The following NKAIN3 variants were observed in gnomAD, a reference collection of about 807,000 sequenced individuals.
The protein encoded by NKAIN3 is sodium/potassium-transporting ATPase subunit beta-1-interacting protein 3.
A neutral mutation model predicts 30.2 loss-of-function variants in NKAIN3; 25 were observed. The ratio of observed to expected loss-of-function variants is 0.83; its 90% confidence interval spans 0.60 to 1.16. NKAIN3 has a LOEUF of 1.16. Among genes scored for constraint, NKAIN3 ranks in the 50% most tolerant of loss-of-function variants. The probability of loss-of-function intolerance (pLI) is 0.00; values close to 1 mark genes in which losing one functional copy is unlikely to be tolerated. For synonymous variants in NKAIN3, 91 were observed against 89.6 expected (o/e 1.02, Z -0.09); for missense variants, 225 against 254.1 (o/e 0.89, Z 0.78).
chr8:62,867,182 G>A (rs563152234), intron 4 of NKAIN3, among the ~76,000 whole-genome samples: 5 of 150,790 alleles, frequency 3.3e-5, no homozygotes, highest in Non-Finnish European at 7.4e-5. Flanking sequence ...CAGAACACCC[G>A]AATGATTAAA....
At chr8:62,569,178 G>GA (rs1343545386) in intron 1 of NKAIN3, among the ~76,000 whole-genome samples, 10 of 152,180 alleles carry the variant, frequency 6.6e-5, no homozygotes, top group Non-Finnish European at 8.8e-5. Flanking sequence ...AACTTCTCCA[G>GA]AGTAGCTCTG....
At chr8:62,493,900 T>C (rs1035248469) in intron 1 of NKAIN3, among the ~76,000 whole-genome samples, 1 of 152,084 alleles carries the variant, frequency 6.6e-6, no homozygotes, top group African/African-American at 2.4e-5. Flanking sequence ...GCTGAAGTTG[T>C]TTTTTAGATG....
At chr8:62,987,795 G>A (rs547892991), downstream of NKAIN3, among the ~76,000 whole-genome samples, 1 of 152,020 alleles carries the variant, frequency 6.6e-6, no homozygotes, top group Non-Finnish European at 1.5e-5. Flanking sequence ...TCAAAACACA[G>A]TCATGCCTTC....
At chr8:62,405,363 A>C (rs1180535979) in intron 1 of NKAIN3, among the ~76,000 whole-genome samples, 1 of 152,150 alleles carries the variant, frequency 6.6e-6, no homozygotes, top group Non-Finnish European at 1.5e-5. Flanking sequence ...GGCTTAAGCC[A>C]CTTTTCAAAG....
chr8:62,472,290 A>T (rs909318228), intron 1 of NKAIN3, among the ~76,000 whole-genome samples: 1 of 152,138 alleles, frequency 6.6e-6, no homozygotes, highest in African/African-American at 2.4e-5. Flanking sequence ...AGAGCAGAAG[A>T]TCCTAGAAGC....
At chr8:62,770,411 TTC>T (rs1234751786) in intron 4 of NKAIN3, among the ~76,000 whole-genome samples, 2 of 152,168 alleles carry the variant, frequency 1.3e-5, no homozygotes, top group Non-Finnish European at 2.9e-5. Context: ...AAACCTGTGT[TTC>T]TCACAGTTCT....
chr8:62,417,057 A>T (rs1054618058), intron 1 of NKAIN3, among the ~76,000 whole-genome samples: 14 of 151,168 alleles, frequency 9.3e-5, no homozygotes, highest in African/African-American at 3.4e-4. Context: ...CAAATACTAG[A>T]TCTTATTCAT....
chr8:62,640,849 G>A (rs1338775232), intron 3 of NKAIN3, among the ~76,000 whole-genome samples: 1 of 151,994 alleles, frequency 6.6e-6, no homozygotes, highest in Non-Finnish European at 1.5e-5. Flanking sequence ...GGTGTGAGGT[G>A]GCTGTTTCTA....
At chr8:62,885,374 G>A (rs1821113269) in intron 4 of NKAIN3, among the ~76,000 whole-genome samples, 1 of 152,148 alleles carries the variant, frequency 6.6e-6, no homozygotes, top group African/African-American at 2.4e-5. Context: ...GCTTTAAATT[G>A]TGTTAAGTTG....
In NKAIN3 at chr8:62,601,019, G is replaced by T. The variant is rs576408945; in HGVS notation, c.273+11225G>T. On this transcript the variant is annotated intron_variant, in intron 3 of 6. Transcript: ENST00000623646. ...AGGCAATTTCCAGTAAAATATTTTA[G>T]ACCGTCAATTCAGAGTTCAGTACAT... 1.2e-4 allele frequency among the ~76,000 whole-genome samples: 18 copies of T among 152,088 alleles called. No individual in the cohort carries two copies. In the East Asian group the frequency reaches 3.5e-3, roughly 30 times the overall value.
At chr8:62,869,526 CA>C (rs1820527026) in intron 4 of NKAIN3, among the ~76,000 whole-genome samples, 1 of 152,152 alleles carries the variant, frequency 6.6e-6, no homozygotes, top group African/African-American at 2.4e-5. Context: ...CTCCAATAGG[CA>C]AATTAGGTTA....
rs192902641 is a variant in NKAIN3 at position 62,906,250 on chromosome 8, C to T, written c.472-12203C>T. 1.4e-3 allele frequency among the ~76,000 whole-genome samples: 217 copies of T among 152,300 alleles called. 2 individuals carry two copies. Among genetic ancestry groups the T allele is most frequent in the African/African-American group, 5.0e-3 (208 of 41,554 alleles). ...TGTTAATTTATAAGTAGGGTAAAATCCCTGCAAAGTTTCTGACATTAAGTA... is the reference window on the plus strand; with the variant it reads ...TGTTAATTTATAAGTAGGGTAAAATTCCTGCAAAGTTTCTGACATTAAGTA... On this transcript the variant is annotated intron_variant, in intron 4 of 6. Coordinates refer to ENST00000623646, the MANE Select transcript of NKAIN3 (RefSeq NM_001304533.3).
intron 4 of NKAIN3, among the ~76,000 whole-genome samples, chr8:62,822,267 G>A (rs1023048060): frequency 1.3e-5 from 2 of 152,156 alleles, no homozygotes; most frequent in African/African-American, 2.4e-5. Context: ...CTTTGAAGGA[G>A]TCTGAGTAAA....
chr8:62,561,861 A>G (rs184228456), intron 1 of NKAIN3, among the ~76,000 whole-genome samples: 84 of 152,302 alleles, frequency 5.5e-4, no homozygotes, highest in Non-Finnish European at 7.8e-4. Context: ...CATTGTAAAT[A>G]TGTGTTTTTG....
chr8:62,569,649 A>G (rs373744277), intron 1 of NKAIN3, among the ~76,000 whole-genome samples: 9 of 151,958 alleles, frequency 5.9e-5, no homozygotes, highest in East Asian at 5.9e-4. Flanking sequence ...GGTGACTCAT[A>G]CCTGTATTCC....
intron 4 of NKAIN3, among the ~76,000 whole-genome samples, chr8:62,862,704 T>C (rs563940590): frequency 3.3e-5 from 5 of 152,246 alleles, no homozygotes; most frequent in African/African-American, 4.8e-5. Context: ...TTATAGCTTT[T>C]AGGAGAGATG....
chr8:62,624,441 T>C (rs1472022178), intron 3 of NKAIN3, among the ~76,000 whole-genome samples: 2 of 151,960 alleles, frequency 1.3e-5, no homozygotes, highest in Admixed American at 1.3e-4. Flanking sequence ...TTTTTTACTT[T>C]CATGTTTTCT....
intron 1 of NKAIN3, among the ~76,000 whole-genome samples, chr8:62,283,708 C>G (rs1396484438): frequency 6.6e-6 from 1 of 151,998 alleles, no homozygotes; most frequent in Non-Finnish European, 1.5e-5. Context: ...TTATAAGCTG[C>G]AAATAATGAC....
At chr8:62,460,904 G>A (rs1805979618) in intron 1 of NKAIN3, among the ~76,000 whole-genome samples, 1 of 152,176 alleles carries the variant, frequency 6.6e-6, no homozygotes, top group African/African-American at 2.4e-5. Flanking sequence ...AGAATAACCA[G>A]AAAACTTTAA....
Sources: gnomAD v4.1 joint callset for allele counts (sites outside exome capture counted in the v4.1 genomes callset) on GRCh38, gnomAD v4.1.1 for gene constraint, MANE v1.5 for transcripts, NCBI Gene and HGNC (gene_info 2026-07-23, HGNC 2026-07-21) for gene names.